CIBAR1: variants seen among roughly 807,000 people sequenced by gnomAD.
CIBAR1 encodes the protein CBY1 interacting BAR domain containing 1, also known as CBY1-interacting BAR domain-containing protein 1.
Under a neutral mutation model 44.0 loss-of-function variants are expected in CIBAR1, and 25 were observed. That is an observed-to-expected ratio of 0.57 (90% CI 0.41 to 0.79). CIBAR1 has a LOEUF of 0.79. Ranked by LOEUF, CIBAR1 falls within the 30% of genes least tolerant of loss-of-function variation. The pLI, the probability that CIBAR1 is intolerant of heterozygous loss-of-function variation, is 0.00. For missense variants in CIBAR1, 278 were observed against 344.8 expected, an observed-to-expected ratio of 0.81 and a Z score of 1.53; for synonymous variants, 115 against 119.0, an observed-to-expected ratio of 0.97 and a Z score of 0.22.
intron 6 of CIBAR1, chr8:93,716,008 A>G (rs1403935526): frequency 6.6e-6 from 1 of 152,222 alleles, no homozygotes; most frequent in Non-Finnish European, 1.5e-5. Context: ...CGTTCCTACT[A>G]AACCTTGCAT....
At position 93,707,884 on chromosome 8, in the gene CIBAR1, T is replaced by A. The variant is rs1003930263; in HGVS notation, c.433-127T>A. On this transcript the variant is annotated intron_variant, in intron 4 of 8. Coordinates refer to ENST00000518322, the MANE Select transcript of CIBAR1 (RefSeq NM_145269.5). ...ACTGAATTACATAAGTAACCATAAT[T>A]GATATATGGTTACAATTAATATATA... is the stretch of plus-strand genomic sequence containing the variant. 6.3e-5 allele frequency: 33 copies of A among 521,528 alleles called. 2 individuals carry two copies. In the East Asian group the frequency reaches 9.6e-4, roughly 15 times the overall value. 32.3% of individuals were successfully genotyped at this position (521,528 alleles called of 1,614,324 possible).
At position 93,731,052 on chromosome 8, in the gene CIBAR1, C is replaced by G. The variant is rs1336346626; in HGVS notation, c.*2755C>G. 6.6e-6 allele frequency: 1 copy of G among 152,200 alleles called. No individual in the cohort carries two copies. The highest frequency in any genetic ancestry group is 1.5e-5 in the Non-Finnish European group (1 of 68,100). 9.4% of individuals were successfully genotyped at this position (152,200 alleles called of 1,614,324 possible). A position where few individuals can be genotyped will look rare whatever the true frequency, so the allele number is the denominator to read the frequency against. The stretch of plus-strand genomic sequence containing the variant: ...GGCACACACCTGTAGTCCCAGCTCT[C>G]AGGAGGCTGAGGCAGGAAGACAGCT... On this transcript the variant is annotated 3_prime_UTR_variant, in exon 9 of 9. Coordinates refer to ENST00000518322, the MANE Select transcript of CIBAR1 (RefSeq NM_145269.5).
At chr8:93,719,765 A>AT (rs984211798) in intron 7 of CIBAR1, 1 of 152,216 alleles carries the variant, frequency 6.6e-6, no homozygotes, top group Non-Finnish European at 1.5e-5. Flanking sequence ...TTCTGTAAAT[A>AT]TCCAACCCTC....
At chr8:93,727,729 A>ATTTCG (rs1563653470) in intron 8 of CIBAR1, among the ~76,000 whole-genome samples, 1 of 152,222 alleles carries the variant, frequency 6.6e-6, no homozygotes, top group African/African-American at 2.4e-5. Context: ...GTTTTAAGCA[A>ATTTCG]TATGCCCCAC....
In CIBAR1 at chr8:93,718,904, C is replaced by T. The variant is rs1185810896; in HGVS notation, c.657+116C>T. The T allele has an allele frequency of 9.3e-5, 54 of 580,770 alleles. No individual in the cohort carries two copies. In the East Asian group the frequency reaches 1.7e-3, roughly 18 times the overall value. The allele number at this position is 580,770 out of a possible 1,614,324, so 36.0% of individuals were successfully genotyped here. A position where few individuals can be genotyped will look rare whatever the true frequency, so the allele number is the denominator to read the frequency against. ...TTTGAGACAGAGTCTCACTCTGTTG[C>T]CCAAGTTGGAGTGCAGTAGTGTGAT... On this transcript the variant is annotated intron_variant, in intron 7 of 8. Coordinates refer to ENST00000518322, the MANE Select transcript of CIBAR1 (RefSeq NM_145269.5).
chr8:93,701,642 C>T, intron 2 of CIBAR1, 184 bp downstream of exon 2: 1 of 621,226 alleles, frequency 1.6e-6, no homozygotes, highest in Non-Finnish European at 2.8e-6. Flanking sequence ...TTATTTTACC[C>T]TTTTCAAGCT....
At chr8:93,722,160 G>T (rs1292309507) in intron 7 of CIBAR1, among the ~76,000 whole-genome samples, 1 of 152,148 alleles carries the variant, frequency 6.6e-6, no homozygotes, top group Non-Finnish European at 1.5e-5. Flanking sequence ...GTGGAACCAG[G>T]GGAAGTAACT....
chr8:93,723,794 AAGAT>A (rs1329440921), intron 7 of CIBAR1, among the ~76,000 whole-genome samples: 2 of 152,138 alleles, frequency 1.3e-5, no homozygotes, highest in Admixed American at 1.3e-4. Context: ...ATGCAGAAGA[AAGAT>A]GGCGTTTTAC....
intron 6 of CIBAR1, chr8:93,715,795 C>G (rs1362755325): frequency 6.6e-6 from 1 of 152,114 alleles, no homozygotes; most frequent in Non-Finnish European, 1.5e-5. Flanking sequence ...TTCATTTAAC[C>G]AGTCCTCATT....
At chr8:93,707,876 A>G in intron 4 of CIBAR1, 135 bp from the exon 5 acceptor site, 1 of 493,766 alleles carries the variant, frequency 2.0e-6, no homozygotes, top group East Asian at 3.3e-5. Flanking sequence ...TACATAAGTA[A>G]CCATAATTGA....
intron 6 of CIBAR1, among the ~76,000 whole-genome samples, chr8:93,718,404 G>A (rs1308108941): frequency 1.3e-5 from 2 of 152,098 alleles, no homozygotes; most frequent in Non-Finnish European, 2.9e-5. Flanking sequence ...TATTATAAAT[G>A]TCAATTACTA....
intron 7 of CIBAR1, among the ~76,000 whole-genome samples, chr8:93,721,637 C>T (rs751109894): frequency 6.6e-5 from 10 of 152,054 alleles, no homozygotes; most frequent in Admixed American, 2.6e-4. Context: ...TAGTACTTAC[C>T]TCATATAGTG....
intron 4 of CIBAR1, 200 bp downstream of exon 4, chr8:93,705,210 T>A: frequency 2.1e-6 from 1 of 466,026 alleles, no homozygotes; most frequent in Non-Finnish European, 3.8e-6. Context: ...TTATATTGTT[T>A]TACACAGTAG....
intron 2 of CIBAR1, chr8:93,702,209 A>T (rs1000518147): frequency 7.8e-5 from 32 of 408,244 alleles, no homozygotes; most frequent in East Asian, 1.5e-4. Flanking sequence ...GAATGAGTAT[A>T]AAAAAAATTG....
intron 7 of CIBAR1, chr8:93,720,110 A>G (rs528107717): frequency 6.6e-6 from 1 of 152,158 alleles, no homozygotes; most frequent in East Asian, 1.9e-4. Context: ...CAGCCTACCT[A>G]GTAGCTGGGA....
intron 8 of CIBAR1, chr8:93,727,083 ATAAAGCAGTATGACTG>A: frequency 1.6e-6 from 1 of 635,326 alleles, no homozygotes; most frequent in South Asian, 1.5e-5. Flanking sequence ...TAAGTAACAC[ATAAAGCAGTATGACTG>A]TGTTCTAATA....
At chr8:93,727,076 G>A (rs1425890872) in intron 8 of CIBAR1, 1 of 599,254 alleles carries the variant, frequency 1.7e-6, no homozygotes, top group Non-Finnish European at 2.8e-6. Context: ...CAACTGTTAA[G>A]TAACACATAA....
chr8:93,727,351 C>A, intron 8 of CIBAR1: 4 of 470,976 alleles, frequency 8.5e-6, no homozygotes, highest in Non-Finnish European at 1.4e-5. Flanking sequence ...TTTTTTTATT[C>A]CGGCATTAAG....
At chr8:93,726,732 A>C in intron 8 of CIBAR1, 2 of 508,010 alleles carry the variant, frequency 3.9e-6, no homozygotes, top group Non-Finnish European at 3.5e-6. Flanking sequence ...CTAAAGCATA[A>C]CACTTGAGAG....
Sources: gnomAD v4.1 joint callset for allele counts (sites outside exome capture counted in the v4.1 genomes callset) on GRCh38, gnomAD v4.1.1 for gene constraint, MANE v1.5 for transcripts, NCBI Gene and HGNC (gene_info 2026-07-23, HGNC 2026-07-21) for gene names.